The following CSMD2 variants were observed in gnomAD, a reference collection of about 807,000 sequenced individuals.
The protein encoded by CSMD2 is CUB and sushi domain-containing protein 2.
In CSMD2, 130 loss-of-function variants were observed where a neutral mutation model predicts 398.5. The ratio of observed to expected loss-of-function variants is 0.33; its 90% CI spans 0.28 to 0.38. The LOEUF is 0.38. CSMD2 is among the 10% of genes least tolerant of loss of function. CSMD2 has a pLI of 1.00. For synonymous variants in CSMD2, 1,828 were observed against 1,908.5 expected, an observed-to-expected ratio of 0.96 and a Z score of 1.10; for missense variants, 3,829 against 4,764.9, an observed-to-expected ratio of 0.80 and a Z score of 5.78.
At chr1:33,971,739 G>A (rs1459209840) in intron 3 of CSMD2, among the ~76,000 whole-genome samples, 2 of 152,170 alleles carry the variant, frequency 1.3e-5, no homozygotes, top group Non-Finnish European at 2.9e-5. Flanking sequence ...TTTGGGAGGT[G>A]GGTGAGAGGG....
intron 5 of CSMD2, among the ~76,000 whole-genome samples, chr1:33,908,988 G>A (rs906973027): frequency 1.3e-5 from 2 of 152,216 alleles, no homozygotes; most frequent in African/African-American, 4.8e-5. Context: ...TGTCAAGGAA[G>A]GAGAGAGAAG....
At chr1:33,655,325 T>C (rs1643915521) in intron 27 of CSMD2, among the ~76,000 whole-genome samples, 1 of 152,228 alleles carries the variant, frequency 6.6e-6, no homozygotes. Flanking sequence ...ATCTCGAAAG[T>C]AAAAGAATAA....
rs1644701090 is a variant in CSMD2 at position 33,676,119 on chromosome 1, CAGG to C, written c.4053-13030_4053-13028del. ...GGAAGTTCTGGCCTGGGCAATCAGGCAGGAGAAGGAAATAAAGGGTATTCAATT... is the reference window on the plus strand; with the variant it reads ...GGAAGTTCTGGCCTGGGCAATCAGGCAGAAGGAAATAAAGGGTATTCAATT... On this transcript the variant is annotated intron_variant, in intron 25 of 70. Transcript: ENST00000373381. Among the ~76,000 whole-genome samples the C allele has an allele frequency of 2.6e-5, 4 of 152,184 alleles. No homozygotes were observed. The South Asian group carries it at 8.3e-4, about 32-fold the overall frequency.
chr1:33,768,081 G>A (rs1268539597), intron 13 of CSMD2, among the ~76,000 whole-genome samples: 1 of 152,130 alleles, frequency 6.6e-6, no homozygotes, highest in Non-Finnish European at 1.5e-5. Flanking sequence ...ACAGTAGGGA[G>A]GACTCATATA....
At chr1:33,567,184 G>A (rs1438910639) in intron 53 of CSMD2, among the ~76,000 whole-genome samples, 2 of 151,176 alleles carry the variant, frequency 1.3e-5, no homozygotes, top group Non-Finnish European at 3.0e-5. Context: ...CAAAATTACA[G>A]AATTTCTAAT....
At chr1:33,871,731 C>T (rs1344632917) in intron 5 of CSMD2, among the ~76,000 whole-genome samples, 2 of 152,198 alleles carry the variant, frequency 1.3e-5, no homozygotes, top group African/African-American at 4.8e-5. Context: ...ATTCTCCTGT[C>T]TCAGCCTCAC....
chr1:33,746,126 C>T (rs1171659096), intron 13 of CSMD2, among the ~76,000 whole-genome samples: 1 of 152,190 alleles, frequency 6.6e-6, no homozygotes, highest in Non-Finnish European at 1.5e-5. Flanking sequence ...AGGCGTTCCT[C>T]AAATCTGCTG....
intron 26 of CSMD2, among the ~76,000 whole-genome samples, chr1:33,659,359 A>G (rs1006489236): frequency 6.6e-6 from 1 of 152,228 alleles, no homozygotes; most frequent in African/African-American, 2.4e-5. Flanking sequence ...GGCTGCCTCC[A>G]CAGCCCAGAG....
chr1:34,033,308 A>G (rs542086144), intron 2 of CSMD2, among the ~76,000 whole-genome samples: 1 of 152,358 alleles, frequency 6.6e-6, no homozygotes, highest in South Asian at 2.1e-4. Flanking sequence ...TCAATGAAAT[A>G]ATTTCATACA....
chr1:33,992,461 G>A (rs907750337), intron 3 of CSMD2, among the ~76,000 whole-genome samples: 1 of 151,850 alleles, frequency 6.6e-6, no homozygotes, highest in African/African-American at 2.4e-5. Flanking sequence ...ACCCACTTCA[G>A]CACCTCAGCC....
At chr1:33,891,996 A>G (rs1165147847) in intron 5 of CSMD2, among the ~76,000 whole-genome samples, 1 of 151,210 alleles carries the variant, frequency 6.6e-6, no homozygotes, top group African/African-American at 2.4e-5. Flanking sequence ...GCATGTATAC[A>G]TATGTAACTA....
At chr1:33,825,619 G>C (rs1658712583) in intron 7 of CSMD2, 78 bp downstream of exon 7, 3 of 1,252,898 alleles carry the variant, frequency 2.4e-6, no homozygotes, top group Middle Eastern at 2.0e-4. Flanking sequence ...GCATCATCTG[G>C]CTTCCCCACG....
At chr1:33,550,051 A>T in intron 56 of CSMD2, 126 bp downstream of exon 56, 1 of 888,892 alleles carries the variant, frequency 1.1e-6, no homozygotes, top group Admixed American at 2.3e-5. Flanking sequence ...CTGTTAGGGT[A>T]GATATAAGGG....
intron 2 of CSMD2, among the ~76,000 whole-genome samples, chr1:34,082,532 G>T (rs914922542): frequency 2.0e-5 from 3 of 147,972 alleles, no homozygotes; most frequent in African/African-American, 5.2e-5. Context: ...TCTGGGGGGT[G>T]GGGGGGCCCC....
Position 33,636,392 on chromosome 1 carries a change from G to T in CSMD2, c.4937C>A (p.Pro1646His). Residue 1646 changes from proline (P) to histidine (H), a missense_variant, in exon 30 of 71, where the codon CCC (proline) becomes CAC (histidine). By Grantham distance (77) the Pro-to-His change is moderately conservative. Transcript: ENST00000373381. The surrounding 1 kb of genome is among the most constrained non-coding windows in gnomAD (Gnocchi z 4.8). ...LSCILGPDGK[P>H]VWNNPRPVCT... The stretch of plus-strand genomic sequence containing the variant: ...GACTGGCCGGGGATTGTTCCACACG[G>T]GCTTCCCATCAGGCCCCAGGATGCA... 2 of 1,613,144 alleles carry T rather than the reference G, an allele frequency of 1.2e-6. No individual in the cohort carries two copies. Among genetic ancestry groups the T allele is most frequent in the South Asian group, 2.2e-5 (2 of 90,898 alleles).
intron 1 of CSMD2, among the ~76,000 whole-genome samples, chr1:34,113,251 C>T (rs539300593): frequency 6.6e-6 from 1 of 152,292 alleles, no homozygotes; most frequent in Admixed American, 6.5e-5. Context: ...CCCATGCCCT[C>T]CAAGAGAAAG....
At chr1:33,640,582 T>A (rs576497917) in intron 29 of CSMD2, among the ~76,000 whole-genome samples, 1 of 152,330 alleles carries the variant, frequency 6.6e-6, no homozygotes, top group East Asian at 1.9e-4. Context: ...AAATACTTAC[T>A]CTCTGGCCCT....
rs74854204 is a variant in CSMD2 at position 33,805,192 on chromosome 1, C to T, written c.1446+5551G>A. Among the ~76,000 whole-genome samples the T allele has an allele frequency of 9.4e-4, 143 of 152,330 alleles. 1 individual carries two copies. The East Asian group carries it at 0.019, about 21-fold the overall frequency. On this transcript the variant is annotated intron_variant, in intron 10 of 70. Coordinates refer to ENST00000373381, the MANE Select transcript of CSMD2 (RefSeq NM_001281956.2). ...TTTACTTAGACTTCCCCCGACACCT[C>T]ACCTTCAGGTTCAAAAGAAAATGGA... is the stretch of plus-strand genomic sequence containing the variant.
At chr1:33,659,011 T>C (rs943816567) in intron 26 of CSMD2, among the ~76,000 whole-genome samples, 2 of 152,196 alleles carry the variant, frequency 1.3e-5, no homozygotes, top group Admixed American at 1.3e-4. Context: ...TCTCTTGCAA[T>C]GGCAGACAAC....
Sources: allele counts gnomAD v4.1 joint callset (sites outside exome capture counted in the v4.1 genomes callset), GRCh38; gene constraint gnomAD v4.1.1; non-coding constraint Gnocchi (gnomAD v3.1); transcripts MANE v1.5; gene names NCBI Gene and HGNC (gene_info 2026-07-23, HGNC 2026-07-21).